The following GRM7 variants were observed in gnomAD, a reference collection of about 807,000 sequenced individuals.
GRM7 encodes the protein glutamate metabotropic receptor 7, also known as metabotropic glutamate receptor 7.
In GRM7, 35 loss-of-function variants were observed where a neutral mutation model predicts 84.5. The observed-to-expected ratio is 0.41, with a 90% CI of 0.32 to 0.55. The LOEUF (loss-of-function observed/expected upper bound fraction) is 0.55, where lower values mean the gene tolerates loss of function less well. GRM7 is among the 20% of genes least tolerant of loss of function. GRM7 has a pLI of 0.19. For synonymous variants in GRM7, 487 were observed against 455.1 expected (o/e 1.07, Z -0.89); for missense variants, 1,003 against 1,194.6 (o/e 0.84, Z 2.36).
intron 8 of GRM7, among the ~76,000 whole-genome samples, chr3:7,665,221 G>A (rs1041181979): frequency 2.0e-5 from 3 of 148,800 alleles, no homozygotes; most frequent in Non-Finnish European, 4.4e-5. Flanking sequence ...GCCCAGGCGG[G>A]AGTGCAGTGG....
intron 2 of GRM7, among the ~76,000 whole-genome samples, chr3:7,208,389 A>C (rs569219786): frequency 6.6e-6 from 1 of 152,208 alleles, no homozygotes; most frequent in African/African-American, 2.4e-5. Context: ...TCAGTTTGGT[A>C]ATGTTGCTGT....
chr3:7,501,170 C>A (rs576587041), intron 7 of GRM7, among the ~76,000 whole-genome samples: 1 of 152,270 alleles, frequency 6.6e-6, no homozygotes, highest in Admixed American at 6.5e-5. Context: ...ATTACTTCTT[C>A]TGATTCTAAA....
chr3:7,424,468 G>T (rs17655560), intron 5 of GRM7, among the ~76,000 whole-genome samples: 1 of 151,840 alleles, frequency 6.6e-6, no homozygotes, highest in African/African-American at 2.4e-5. Flanking sequence ...CGTTATTCTA[G>T]TTGATCCCCA....
At chr3:7,176,696 C>G (rs745514380) in intron 2 of GRM7, among the ~76,000 whole-genome samples, 2 of 152,134 alleles carry the variant, frequency 1.3e-5, no homozygotes, top group African/African-American at 2.4e-5. Context: ...ATGTCTCTTC[C>G]TTGTCTCTTA....
chr3:6,974,486 C>T (rs1021563632), intron 1 of GRM7, among the ~76,000 whole-genome samples: 2 of 152,076 alleles, frequency 1.3e-5, no homozygotes, highest in African/African-American at 2.4e-5. Flanking sequence ...ATAGAAGACA[C>T]GTGAGAACTG....
chr3:6,950,061 A>G (rs1343865854), intron 1 of GRM7, among the ~76,000 whole-genome samples: 3 of 152,082 alleles, frequency 2.0e-5, no homozygotes, highest in African/African-American at 7.2e-5. Context: ...CAACTCATCA[A>G]AGTCATTCTC....
intron 7 of GRM7, among the ~76,000 whole-genome samples, chr3:7,490,630 AAGTGCT>A (rs1699484608): frequency 6.6e-6 from 1 of 152,212 alleles, no homozygotes; most frequent in Non-Finnish European, 1.5e-5. Flanking sequence ...ATCATTCAAA[AAGTGCT>A]ATTAATCATT....
At chr3:7,638,145 C>A (rs1698187828) in intron 8 of GRM7, among the ~76,000 whole-genome samples, 1 of 151,878 alleles carries the variant, frequency 6.6e-6, no homozygotes, top group Non-Finnish European at 1.5e-5. Flanking sequence ...CTTTAATAGG[C>A]CCACAGTGTT....
At chr3:7,092,422 G>A (rs1168599417) in intron 1 of GRM7, among the ~76,000 whole-genome samples, 1 of 152,086 alleles carries the variant, frequency 6.6e-6, no homozygotes, top group Non-Finnish European at 1.5e-5. Flanking sequence ...TGAGTCTCGG[G>A]CAATTGACAA....
intron 3 of GRM7, 144 bp from the exon 4 acceptor site, chr3:7,306,353 AG>A (rs1700194050): frequency 1.5e-6 from 1 of 647,078 alleles, no homozygotes; most frequent in South Asian, 2.0e-5. Context: ...TTTATATATT[AG>A]GGATATAAAT....
chr3:7,367,301 A>AC (rs897185917), intron 4 of GRM7, among the ~76,000 whole-genome samples: 1 of 149,670 alleles, frequency 6.7e-6, no homozygotes, highest in African/African-American at 2.5e-5. Context: ...ATTTCCAGTG[A>AC]TTTTTTTTTG....
chr3:7,665,147 G>T (rs992676486), intron 8 of GRM7, among the ~76,000 whole-genome samples: 1 of 150,962 alleles, frequency 6.6e-6, no homozygotes, highest in East Asian at 1.9e-4. Context: ...AACTGCATAC[G>T]GAGAATGTTT....
chr3:7,278,294 A>G (rs1407692208), intron 2 of GRM7, among the ~76,000 whole-genome samples: 3 of 151,974 alleles, frequency 2.0e-5, no homozygotes, highest in Non-Finnish European at 4.4e-5. Flanking sequence ...TAATTTTATC[A>G]TTGTTAAATT....
At chr3:7,174,879 G>A (rs1408037348) in intron 2 of GRM7, among the ~76,000 whole-genome samples, 2 of 152,320 alleles carry the variant, frequency 1.3e-5, no homozygotes, top group Admixed American at 6.5e-5. Context: ...AGCCAATTTT[G>A]TGACATACTC....
intron 5 of GRM7, among the ~76,000 whole-genome samples, chr3:7,444,608 C>A (rs1484377662): frequency 6.6e-6 from 1 of 152,158 alleles, no homozygotes; most frequent in Non-Finnish European, 1.5e-5. Context: ...GGACACCTTT[C>A]ACATGTTTGG....
At chr3:7,195,473 T>G (rs1695847610) in intron 2 of GRM7, among the ~76,000 whole-genome samples, 1 of 152,176 alleles carries the variant, frequency 6.6e-6, no homozygotes, top group Non-Finnish European at 1.5e-5. Context: ...GGACTGAATT[T>G]TTCTTGTCAT....
intron 1 of GRM7, among the ~76,000 whole-genome samples, chr3:7,006,697 T>C (rs1375532544): frequency 1.3e-5 from 2 of 152,192 alleles, no homozygotes; most frequent in Non-Finnish European, 2.9e-5. Context: ...ATTTTCATAA[T>C]TGAGAAATGA....
intron 5 of GRM7, among the ~76,000 whole-genome samples, chr3:7,435,587 G>C (rs1032869577): frequency 6.6e-6 from 1 of 151,220 alleles, no homozygotes; most frequent in Non-Finnish European, 1.5e-5. Context: ...ATCTCAGCTC[G>C]CTGCAACCTC....
intron 1 of GRM7, among the ~76,000 whole-genome samples, chr3:7,094,633 T>A (rs1157701574): frequency 6.6e-6 from 1 of 152,200 alleles, no homozygotes; most frequent in Non-Finnish European, 1.5e-5. Context: ...ATTATATAGC[T>A]TTCATAGGCA....
Sources: gnomAD v4.1 joint callset for allele counts (sites outside exome capture counted in the v4.1 genomes callset) on GRCh38, gnomAD v4.1.1 for gene constraint, MANE v1.5 for transcripts, NCBI Gene and HGNC (gene_info 2026-07-23, HGNC 2026-07-21) for gene names.